SUSD4: variants seen among roughly 807,000 people sequenced by gnomAD.
SUSD4 encodes sushi domain containing 4, also known as sushi domain-containing protein 4.
SUSD4 carries 41 observed loss-of-function variants against 50.5 expected under a neutral mutation model. The ratio of observed to expected loss-of-function variants is 0.81; its 90% CI spans 0.63 to 1.05. The LOEUF (loss-of-function observed/expected upper bound fraction) is 1.05. SUSD4 is among the 50% of genes least tolerant of loss of function. SUSD4 has a pLI of 0.00. For synonymous variants in SUSD4, 257 were observed against 257.3 expected (o/e 1.00, Z 0.01); for missense variants, 580 against 634.7 (o/e 0.91, Z 0.93).
At position 223,360,220 on chromosome 1, in the gene SUSD4, T is replaced by TCACC. The variant is rs778056238; in HGVS notation, c.148+3057_148+3058insGGTG. On this transcript the variant is annotated intron_variant, in intron 2 of 8. Coordinates refer to ENST00000366878, the MANE Select transcript of SUSD4 (RefSeq NM_017982.4). ...GAATTCACCTTAAAGGAGTCACTTG[T>TCACC]TGAGCAAACTCTTGGCTCTCTTCCT... is the stretch of plus-strand genomic sequence containing the variant. 1.5e-4 allele frequency: 70 copies of TCACC among 470,868 alleles called. 2 individuals carry two copies. The highest frequency in any genetic ancestry group is 1.1e-3 in the South Asian group (69 of 64,480). The allele number at this position is 470,868 out of a possible 1,614,324, so 29.2% of individuals were successfully genotyped here.
intron 2 of SUSD4, among the ~76,000 whole-genome samples, chr1:223,337,487 C>T (rs1218205091): frequency 6.6e-6 from 1 of 152,174 alleles, no homozygotes; most frequent in Non-Finnish European, 1.5e-5. Context: ...AAGTAATGAA[C>T]TCCTGTAAAT....
chr1:223,289,178 G>T, intron 3 of SUSD4: 1 of 985,298 alleles, frequency 1.0e-6, no homozygotes, highest in Admixed American at 6.1e-5. Flanking sequence ...CCAATTCTAG[G>T]GTCTCCTCTC....
At chr1:223,305,967 T>C (rs961073506) in intron 2 of SUSD4, among the ~76,000 whole-genome samples, 4 of 152,200 alleles carry the variant, frequency 2.6e-5, no homozygotes, top group Non-Finnish European at 5.9e-5. Context: ...GTGAGAATGT[T>C]TTAATGTTTC....
chr1:223,322,906 T>C (rs1666662519), intron 2 of SUSD4, among the ~76,000 whole-genome samples: 1 of 152,188 alleles, frequency 6.6e-6, no homozygotes, highest in Non-Finnish European at 1.5e-5. Flanking sequence ...CCCTGCAGCC[T>C]TTACACAATT....
intron 5 of SUSD4, among the ~76,000 whole-genome samples, chr1:223,239,987 A>AT (rs1660471301): frequency 6.6e-6 from 1 of 151,958 alleles, no homozygotes. Flanking sequence ...AACTTTCCAC[A>AT]TTTTTGTTTG....
At chr1:223,225,347 T>C (rs1407103232) in intron 7 of SUSD4, among the ~76,000 whole-genome samples, 14 of 152,148 alleles carry the variant, frequency 9.2e-5, no homozygotes, top group Admixed American at 5.9e-4. Context: ...AAGCACAGGC[T>C]GTGCGTCTCT....
At chr1:223,314,454 A>T (rs1019066657) in intron 2 of SUSD4, among the ~76,000 whole-genome samples, 4 of 152,122 alleles carry the variant, frequency 2.6e-5, no homozygotes, top group African/African-American at 9.7e-5. Context: ...ACCCACACAG[A>T]CTGGGGGAGA....
rs1248861810 is a variant in SUSD4 at position 223,292,423 on chromosome 1, GAAGT to G, written c.361+12_361+15del. 6.2e-7 allele frequency: 1 copy of G among 1,613,976 alleles called. No homozygotes were observed. Among genetic ancestry groups the G allele is most frequent in the Admixed American group, 1.7e-5 (1 of 60,018 alleles). The stretch of plus-strand genomic sequence containing the variant: ...GAACCACATGAGTGGCTTCCGTGGA[GAAGT>G]AAGCACTTTACCTTCTTGCACACAG... On this transcript the variant is annotated intron_variant, in intron 3 of 8. Transcript: ENST00000366878.
chr1:223,360,236 C>T (rs1337346318), intron 2 of SUSD4: 1 of 470,782 alleles, frequency 2.1e-6, no homozygotes, highest in Non-Finnish European at 4.4e-6. Flanking sequence ...AAACTCTTGG[C>T]TCTCTTCCTT....
intron 2 of SUSD4, among the ~76,000 whole-genome samples, chr1:223,313,183 A>AGTGATTAGAGGGT (rs1317402762): frequency 1.6e-4 from 24 of 152,184 alleles, no homozygotes; most frequent in Non-Finnish European, 3.5e-4. Flanking sequence ...AAGATCAACC[A>AGTGATTAGAGGGT]TGTGATTAGA....
intron 5 of SUSD4, among the ~76,000 whole-genome samples, chr1:223,261,996 G>A (rs1444408773): frequency 6.6e-6 from 1 of 152,190 alleles, no homozygotes; most frequent in African/African-American, 2.4e-5. Flanking sequence ...GATTGAGTAG[G>A]ATGCCAGGAT....
chr1:223,301,776 A>G (rs1665214059), intron 2 of SUSD4, among the ~76,000 whole-genome samples: 1 of 152,236 alleles, frequency 6.6e-6, no homozygotes, highest in Non-Finnish European at 1.5e-5. Context: ...TCATCTGGGC[A>G]TGTTAGTAAA....
At chr1:223,266,153 A>T (rs1445909093) in intron 4 of SUSD4, among the ~76,000 whole-genome samples, 1 of 152,216 alleles carries the variant, frequency 6.6e-6, no homozygotes, top group African/African-American at 2.4e-5. Context: ...GGCTCTGCAG[A>T]CCAAGCAGAT....
intron 2 of SUSD4, among the ~76,000 whole-genome samples, chr1:223,320,117 C>T (rs955598039): frequency 2.0e-5 from 3 of 152,198 alleles, no homozygotes; most frequent in African/African-American, 7.2e-5. Flanking sequence ...TTTGTTCTTG[C>T]TCATCCAGGA....
At chr1:223,352,548 C>A (rs1668426156) in intron 2 of SUSD4, among the ~76,000 whole-genome samples, 1 of 152,268 alleles carries the variant, frequency 6.6e-6, no homozygotes, top group Admixed American at 6.5e-5. Context: ...GAAGAGGCTG[C>A]AGCAAGGTAC....
intron 4 of SUSD4, among the ~76,000 whole-genome samples, chr1:223,268,034 TATATATATACACAC>T (rs1404022261): frequency 3.2e-5 from 3 of 92,482 alleles, no homozygotes; most frequent in East Asian, 3.0e-4. Context: ...TATATATATA[TATATATATACACAC>T]ACACTGTTAA....
chr1:223,257,302 G>C (rs1009057477), intron 5 of SUSD4, among the ~76,000 whole-genome samples: 1 of 152,148 alleles, frequency 6.6e-6, no homozygotes, highest in Admixed American at 6.5e-5. Context: ...CCAGGAGTTT[G>C]AGACCAGCCT....
intron 5 of SUSD4, chr1:223,264,079 C>A: frequency 3.0e-6 from 3 of 985,356 alleles, no homozygotes; most frequent in Non-Finnish European, 3.6e-6. Context: ...CAGTGGAAGC[C>A]CTGTCCTTCT....
intron 5 of SUSD4, among the ~76,000 whole-genome samples, chr1:223,247,101 CG>C (rs1367532701): frequency 6.6e-6 from 1 of 152,160 alleles, no homozygotes; most frequent in African/African-American, 2.4e-5. Flanking sequence ...TACAGCCCCC[CG>C]GGTGTTCTTC....
Sources: allele counts gnomAD v4.1 joint callset (sites outside exome capture counted in the v4.1 genomes callset), GRCh38; gene constraint gnomAD v4.1.1; transcripts MANE v1.5; gene names NCBI Gene and HGNC (gene_info 2026-07-23, HGNC 2026-07-21).